Variants in IFT56 observed in about 807,000 individuals in gnomAD.
IFT56 encodes intraflagellar transport protein 56.
chr7:139,146,762 G>A, the IFT56 span, among the ~76,000 whole-genome samples: 49 of 91,704 alleles, frequency 5.3e-4, no homozygotes, highest in Non-Finnish European at 8.5e-4. Context: ...GCAAGACTCC[G>A]TTTCAAAAAA....
the IFT56 span, among the ~76,000 whole-genome samples, chr7:139,185,604 G>A: frequency 6.6e-6 from 1 of 151,968 alleles, no homozygotes; most frequent in Non-Finnish European, 1.5e-5. Context: ...TTAAAGATGT[G>A]TATACTTAAG....
the IFT56 span, chr7:139,187,256 A>G: frequency 1.1e-6 from 1 of 891,032 alleles, no homozygotes; most frequent in Non-Finnish European, 1.7e-6. Context: ...TTTAATTGGG[A>G]ATTGAAGTTT....
chr7:139,177,810 G>A, the IFT56 span, among the ~76,000 whole-genome samples: 1 of 152,020 alleles, frequency 6.6e-6, no homozygotes, highest in Non-Finnish European at 1.5e-5. Flanking sequence ...AGAATCAGAT[G>A]GTTCCATGGC....
chr7:139,154,208 C>G, the IFT56 span, among the ~76,000 whole-genome samples: 3 of 152,122 alleles, frequency 2.0e-5, no homozygotes, highest in Non-Finnish European at 4.4e-5. Context: ...TTGAGTTTCA[C>G]ATGTTCCCAT....
chr7:139,140,052 G>A, the IFT56 span: 19 of 1,257,466 alleles, frequency 1.5e-5, no homozygotes, highest in African/African-American at 2.8e-4. Flanking sequence ...GTTAAGAGTT[G>A]TTTTGAAGAT....
At chr7:139,184,421 T>C in the IFT56 span, among the ~76,000 whole-genome samples, 1 of 152,162 alleles carries the variant, frequency 6.6e-6, no homozygotes, top group Non-Finnish European at 1.5e-5. Context: ...ACAAGGACAT[T>C]ATACTGAAGG....
the IFT56 span, among the ~76,000 whole-genome samples, chr7:139,170,950 C>A: frequency 6.6e-6 from 1 of 152,122 alleles, no homozygotes; most frequent in African/African-American, 2.4e-5. Context: ...TTTGGAAAAA[C>A]CTAAAAACTC....
chr7:139,137,331 A>T, the IFT56 span, among the ~76,000 whole-genome samples: 5 of 152,204 alleles, frequency 3.3e-5, 1 homozygote, highest in Non-Finnish European at 5.9e-5. Flanking sequence ...CAAGGGTAAT[A>T]GAAAGATTCT....
At chr7:139,160,031 G>T in the IFT56 span, among the ~76,000 whole-genome samples, 1 of 152,114 alleles carries the variant, frequency 6.6e-6, no homozygotes, top group Non-Finnish European at 1.5e-5. Context: ...AAGGGATCTT[G>T]AGACCAAAAA....
At chr7:139,145,586 A>G in the IFT56 span, among the ~76,000 whole-genome samples, 35,094 of 151,750 alleles carry the variant, frequency 0.23, 7,554 homozygotes, top group African/African-American at 0.54. Flanking sequence ...TGCCATGCCC[A>G]GCCAATTTTT....
chr7:139,164,653 C>G, the IFT56 span, among the ~76,000 whole-genome samples: 1 of 151,932 alleles, frequency 6.6e-6, no homozygotes, highest in Non-Finnish European at 1.5e-5. Context: ...CAAAAAATAA[C>G]CAAGTGCTGA....
the IFT56 span, among the ~76,000 whole-genome samples, chr7:139,182,111 G>C: frequency 6.6e-6 from 1 of 152,022 alleles, no homozygotes; most frequent in East Asian, 1.9e-4. Context: ...GGGGCGGGGG[G>C]AGTTGGAAAG....
the IFT56 span, among the ~76,000 whole-genome samples, chr7:139,186,315 G>A: frequency 6.6e-6 from 1 of 151,728 alleles, no homozygotes; most frequent in Non-Finnish European, 1.5e-5. Context: ...AGTCCCAGCT[G>A]CTTGGAACAC....
the IFT56 span, chr7:139,142,212 A>G: frequency 6.2e-7 from 1 of 1,609,684 alleles, no homozygotes; most frequent in East Asian, 2.2e-5. Flanking sequence ...AGGGACTGCT[A>G]GACTGTTGAG....
At chr7:139,189,443 G>A in the IFT56 span, 4 of 1,576,250 alleles carry the variant, frequency 2.5e-6, no homozygotes, top group South Asian at 4.5e-5. Context: ...AATAGCGCCA[G>A]CGTCCTAGGA....
the IFT56 span, chr7:139,165,028 G>A: frequency 1.3e-6 from 1 of 787,006 alleles, no homozygotes; most frequent in African/African-American, 1.8e-5. Flanking sequence ...AGCTATTTTA[G>A]TTGAATATCA....
At chr7:139,139,454 T>A in the IFT56 span, among the ~76,000 whole-genome samples, 1 of 152,126 alleles carries the variant, frequency 6.6e-6, no homozygotes, top group Non-Finnish European at 1.5e-5. Context: ...ATTTAAAAAA[T>A]CTGAAGGCTC....
chr7:139,184,904 A>G, the IFT56 span, among the ~76,000 whole-genome samples: 2 of 150,718 alleles, frequency 1.3e-5, no homozygotes, highest in Admixed American at 6.6e-5. Context: ...AATACAAAAA[A>G]TTAGCCAGGC....
the IFT56 span, among the ~76,000 whole-genome samples, chr7:139,152,805 C>A: frequency 1.3e-5 from 2 of 152,136 alleles, no homozygotes; most frequent in African/African-American, 4.8e-5. Flanking sequence ...ATAGTCACAG[C>A]TTAAGTGCAA....
Sources: gnomAD v4.1 joint callset for allele counts (sites outside exome capture counted in the v4.1 genomes callset) on GRCh38, gnomAD v4.1.1 for gene constraint, MANE v1.5 for transcripts, NCBI Gene and HGNC (gene_info 2026-07-23, HGNC 2026-07-21) for gene names.